GSE1: variants seen among roughly 807,000 people sequenced by gnomAD.
GSE1 encodes Gse1 coiled-coil protein.
GSE1 carries 32 observed loss-of-function variants against 112.6 expected under a neutral mutation model. The observed-to-expected ratio is 0.28, with a 90% CI of 0.21 to 0.38. The LOEUF is 0.38. Ranked by LOEUF, GSE1 falls within the 10% of genes least tolerant of loss-of-function variation. The probability of loss-of-function intolerance (pLI) is 1.00; values close to 1 mark genes in which losing one functional copy is unlikely to be tolerated. For missense variants in GSE1, 2,348 were observed against 1,699.2 expected (o/e 1.38, Z -6.71); for synonymous variants, 1,115 against 735.6 (o/e 1.52, Z -8.35).
chr16:85,294,610 C>CCTCTCTCTCTCTCT (rs1199580682), intron 1 of GSE1, among the ~76,000 whole-genome samples: 4 of 83,128 alleles, frequency 4.8e-5, no homozygotes, highest in African/African-American at 1.5e-4. Context: ...TGCCAGCACG[C>CCTCTCTCTCTCTCT]CTCTCACTCT....
intron 1 of GSE1, among the ~76,000 whole-genome samples, chr16:85,242,017 C>T (rs972929383): frequency 6.6e-6 from 1 of 152,132 alleles, no homozygotes; most frequent in Non-Finnish European, 1.5e-5. Context: ...CTCCCTGCTA[C>T]ACCGTCCTGG....
At chr16:85,365,331 G>T (rs1298110484) in intron 2 of GSE1, among the ~76,000 whole-genome samples, 3 of 152,226 alleles carry the variant, frequency 2.0e-5, no homozygotes, top group Admixed American at 2.0e-4. Flanking sequence ...TCTGGTCTAT[G>T]CAGACAGCAC....
chr16:85,656,961 T>G (rs2151937084), intron 7 of GSE1, among the ~76,000 whole-genome samples: 1 of 152,312 alleles, frequency 6.6e-6, no homozygotes, highest in East Asian at 1.9e-4. Context: ...GAAACAATTG[T>G]CCAGTAATAA....
chr16:85,505,748 G>A (rs953386173), intron 2 of GSE1, among the ~76,000 whole-genome samples: 2 of 152,134 alleles, frequency 1.3e-5, no homozygotes, highest in Non-Finnish European at 2.9e-5. Flanking sequence ...GCCGGGTGCG[G>A]TAACTCACAC....
At chr16:85,550,526 T>C (rs1052227421) in intron 2 of GSE1, among the ~76,000 whole-genome samples, 13 of 151,276 alleles carry the variant, frequency 8.6e-5, no homozygotes, top group African/African-American at 2.9e-4. Flanking sequence ...CCACGCAGCT[T>C]CCCCGCCCCT....
At chr16:85,662,832 A>G in intron 9 of GSE1, 149 bp from the exon 10 acceptor site, 1 of 612,194 alleles carries the variant, frequency 1.6e-6, no homozygotes, top group South Asian at 1.9e-5. Flanking sequence ...GTTGGTTTCC[A>G]CCTCGGTTGA....
intron 3 of GSE1, among the ~76,000 whole-genome samples, chr16:85,650,598 C>A (rs960310499): frequency 2.6e-4 from 39 of 152,220 alleles, no homozygotes; most frequent in Admixed American, 2.4e-3. Context: ...CATTGAGCTA[C>A]CCCAGAGCAG....
intron 2 of GSE1, among the ~76,000 whole-genome samples, chr16:85,388,865 G>A (rs1275237072): frequency 6.6e-6 from 1 of 152,202 alleles, no homozygotes; most frequent in Non-Finnish European, 1.5e-5. Flanking sequence ...GATTGAGCCA[G>A]GACAAGTGAC....
intron 1 of GSE1, among the ~76,000 whole-genome samples, chr16:85,175,282 T>C (rs1390637027): frequency 1.3e-5 from 2 of 152,112 alleles, no homozygotes; most frequent in Non-Finnish European, 2.9e-5. Context: ...CAGGGCTGTG[T>C]CTGGGGTGGC....
At position 85,479,721 on chromosome 16, in the gene GSE1, G is replaced by A. The variant is rs2050613149; in HGVS notation, c.2464+122078G>A. Among the ~76,000 whole-genome samples, 3 of 152,296 alleles carry A rather than the reference G, an allele frequency of 2.0e-5. 1 individual carries two copies. The highest frequency in any genetic ancestry group is 3.9e-4 in the East Asian group (2 of 5,182). ...TTGGTGCTGGGACACTGAGCGCAGC[G>A]AGGGGCTGGCTGGGGACGTCCCATT... On this transcript the variant is annotated intron_variant, in intron 2 of 2. Coordinates refer to the GSE1 transcript ENST00000637419.
intron 3 of GSE1, among the ~76,000 whole-genome samples, chr16:85,651,906 C>T (rs972651148): frequency 2.6e-5 from 4 of 152,332 alleles, no homozygotes; most frequent in Non-Finnish European, 4.4e-5. Flanking sequence ...GGGGCCACTC[C>T]GTCTTGTTAA....
intron 1 of GSE1, among the ~76,000 whole-genome samples, chr16:85,260,575 G>A (rs756931441): frequency 3.0e-4 from 45 of 152,122 alleles, no homozygotes; most frequent in Admixed American, 1.3e-3. Flanking sequence ...CACCTGCCTC[G>A]GCCTCCCAAA....
chr16:85,171,180 G>A, exon 1 of GSE1: 2 of 985,646 alleles, frequency 2.0e-6, no homozygotes, highest in Non-Finnish European at 2.4e-6. Context: ...GGGCCTGCCA[G>A]AACGAGGAGC....
In GSE1 at chr16:85,302,216, A is replaced by G. The variant is rs576688412; in HGVS notation, c.2284-55247A>G. On this transcript the variant is annotated intron_variant, in intron 1 of 2. Transcript: ENST00000637419. Reference sequence around the variant, plus strand: ...AGAGAGGACTCGAATGCACACTCTAATCTTCGCTTGGCGGTTCAGCTTTCA... The same window carrying G: ...AGAGAGGACTCGAATGCACACTCTAGTCTTCGCTTGGCGGTTCAGCTTTCA... Among the ~76,000 whole-genome samples the G allele has an allele frequency of 1.9e-4, 29 of 152,316 alleles. No homozygotes were observed. The South Asian group carries it at 5.8e-3, about 30-fold the overall frequency.
At chr16:85,334,137 G>A (rs1279082841) in intron 1 of GSE1, among the ~76,000 whole-genome samples, 2 of 152,082 alleles carry the variant, frequency 1.3e-5, no homozygotes, top group Non-Finnish European at 1.5e-5. Context: ...GAGCCCACGC[G>A]GCCTTCCTCG....
intron 2 of GSE1, among the ~76,000 whole-genome samples, chr16:85,482,426 A>G (rs1597901736): frequency 6.6e-6 from 1 of 151,520 alleles, no homozygotes; most frequent in South Asian, 2.1e-4. Flanking sequence ...CTGGATTCAG[A>G]CCCCCAGCCC....
intron 1 of GSE1, among the ~76,000 whole-genome samples, chr16:85,623,992 T>A (rs190831843): frequency 2.0e-5 from 3 of 152,176 alleles, no homozygotes; most frequent in Non-Finnish European, 2.9e-5. Flanking sequence ...CGTCCTTGGA[T>A]CCTCTCTCCC....
intron 2 of GSE1, among the ~76,000 whole-genome samples, chr16:85,512,345 G>C (rs908727312): frequency 1.3e-5 from 2 of 152,164 alleles, no homozygotes; most frequent in Non-Finnish European, 2.9e-5. Context: ...GACAGCTGTC[G>C]GGCCCCAGGA....
intron 1 of GSE1, among the ~76,000 whole-genome samples, chr16:85,259,178 C>T (rs1688025084): frequency 6.6e-6 from 1 of 152,106 alleles, no homozygotes; most frequent in Non-Finnish European, 1.5e-5. Context: ...TCACCAGGGG[C>T]GGGGGCTCGT....
Sources: allele counts gnomAD v4.1 joint callset (sites outside exome capture counted in the v4.1 genomes callset), GRCh38; gene constraint gnomAD v4.1.1; transcripts MANE v1.5; gene names NCBI Gene and HGNC (gene_info 2026-07-23, HGNC 2026-07-21).